GLIS3: variants seen among roughly 807,000 people sequenced by gnomAD.
GLIS3 encodes the protein GLIS family zinc finger 3.
A neutral mutation model predicts 78.6 loss-of-function variants in GLIS3; 53 were observed. The observed-to-expected ratio is 0.67, with a 90% CI of 0.54 to 0.85. GLIS3 has a LOEUF of 0.85. Among genes scored for constraint, GLIS3 ranks in the 40% least tolerant of loss-of-function variants. GLIS3 has a pLI of 0.00. For missense variants in GLIS3, 1,703 were observed against 1,231.1 expected, an observed-to-expected ratio of 1.38 and a Z score of -5.74; for synonymous variants, 684 against 509.9, an observed-to-expected ratio of 1.34 and a Z score of -4.60.
chr9:4,322,429 G>A (rs1472167538), intron 2 of GLIS3, among the ~76,000 whole-genome samples: 2 of 152,134 alleles, frequency 1.3e-5, no homozygotes, highest in East Asian at 1.9e-4. Flanking sequence ...TAATGGGATT[G>A]CTGGGTCAAA....
At chr9:4,089,357 C>G (rs528880627) in intron 4 of GLIS3, among the ~76,000 whole-genome samples, 1 of 151,430 alleles carries the variant, frequency 6.6e-6, no homozygotes, top group South Asian at 2.1e-4. Context: ...TTTTTTTTTC[C>G]TTTACAAACG....
chr9:4,135,774 C>T (rs1833361781), intron 2 of GLIS3, among the ~76,000 whole-genome samples: 1 of 152,094 alleles, frequency 6.6e-6, no homozygotes, highest in African/African-American at 2.4e-5. Context: ...AACAAGTACC[C>T]TTCTCTCCCA....
At chr9:4,244,853 G>C (rs1823651118) in intron 2 of GLIS3, among the ~76,000 whole-genome samples, 1 of 152,146 alleles carries the variant, frequency 6.6e-6, no homozygotes, top group Non-Finnish European at 1.5e-5. Flanking sequence ...TGAGATTACA[G>C]GTGTAAGCCA....
At chr9:4,271,542 T>C (rs996374098) in intron 2 of GLIS3, among the ~76,000 whole-genome samples, 1 of 152,150 alleles carries the variant, frequency 6.6e-6, no homozygotes, top group Admixed American at 6.5e-5. Flanking sequence ...GAAAAGATCA[T>C]GTTGCCTAGG....
chr9:4,330,527 A>C (rs893880057), intron 2 of GLIS3, among the ~76,000 whole-genome samples: 1 of 152,178 alleles, frequency 6.6e-6, no homozygotes, highest in Admixed American at 6.5e-5. Context: ...ACTTAGGTGG[A>C]GGGAGATGAA....
chr9:3,993,279 C>G (rs1359019847), intron 4 of GLIS3, among the ~76,000 whole-genome samples: 2 of 152,092 alleles, frequency 1.3e-5, no homozygotes, highest in African/African-American at 2.4e-5. Flanking sequence ...CCTGACAGTT[C>G]CGAGGGCAGT....
At chr9:4,171,958 G>C (rs756409036) in intron 2 of GLIS3, among the ~76,000 whole-genome samples, 2 of 152,160 alleles carry the variant, frequency 1.3e-5, no homozygotes, top group Admixed American at 6.6e-5. Context: ...TATTTCACTT[G>C]AGGTGATAAT....
intron 8 of GLIS3, among the ~76,000 whole-genome samples, chr9:3,864,615 C>G (rs1049310747): frequency 6.6e-6 from 1 of 152,088 alleles, no homozygotes; most frequent in South Asian, 2.1e-4. Context: ...AGAAACTGGC[C>G]GGGTGACGCT....
chr9:3,915,786 C>T (rs1824469861), intron 6 of GLIS3, among the ~76,000 whole-genome samples: 1 of 152,060 alleles, frequency 6.6e-6, no homozygotes, highest in Admixed American at 6.5e-5. Context: ...CAGATCTCTG[C>T]AAAGAGTCAT....
At chr9:3,973,040 G>A (rs536528594) in intron 4 of GLIS3, among the ~76,000 whole-genome samples, 3 of 152,152 alleles carry the variant, frequency 2.0e-5, no homozygotes, top group Non-Finnish European at 2.9e-5. Flanking sequence ...AATAATTCAT[G>A]AGAAGGACCC....
intron 4 of GLIS3, among the ~76,000 whole-genome samples, chr9:4,033,936 C>T (rs1824090158): frequency 6.9e-6 from 1 of 145,918 alleles, no homozygotes; most frequent in Non-Finnish European, 1.5e-5. Flanking sequence ...TCAGATTAAG[C>T]CATAAAGTTT....
intron 2 of GLIS3, among the ~76,000 whole-genome samples, chr9:4,243,212 A>G (rs939266520): frequency 2.0e-5 from 3 of 152,204 alleles, no homozygotes; most frequent in African/African-American, 7.2e-5. Flanking sequence ...GCAAGCTCAT[A>G]TGAGAGTCAG....
At chr9:4,028,434 A>C (rs1017877019) in intron 4 of GLIS3, among the ~76,000 whole-genome samples, 7 of 152,188 alleles carry the variant, frequency 4.6e-5, no homozygotes, top group African/African-American at 1.7e-4. Flanking sequence ...TATTAAAATC[A>C]AGAGCATATA....
the GLIS3 span, among the ~76,000 whole-genome samples, chr9:4,373,731 C>T: frequency 1.9e-4 from 28 of 150,922 alleles, no homozygotes; most frequent in African/African-American, 6.4e-4. Flanking sequence ...TGCAATGGCA[C>T]GATCTCGGCT....
At chr9:4,125,605 G>C in intron 3 of GLIS3, 129 bp downstream of exon 3, 2 of 760,840 alleles carry the variant, frequency 2.6e-6, no homozygotes, top group South Asian at 1.4e-5. Context: ...CTCAAATTGA[G>C]AGAGTTGCTT....
chr9:4,038,766 G>T (rs1588510193), intron 4 of GLIS3, among the ~76,000 whole-genome samples: 1 of 152,050 alleles, frequency 6.6e-6, no homozygotes, highest in Non-Finnish European at 1.5e-5. Flanking sequence ...CATCTGTACA[G>T]CTTCCTTAAT....
intron 2 of GLIS3, among the ~76,000 whole-genome samples, chr9:4,184,474 A>G (rs1373346307): frequency 1.3e-5 from 2 of 152,244 alleles, no homozygotes; most frequent in African/African-American, 2.4e-5. Flanking sequence ...AAATACTTGG[A>G]TAAGTCCCCT....
In GLIS3 at chr9:3,829,500, G is replaced by T. The variant is rs780719069; in HGVS notation, c.2474-8C>A. The T allele has an allele frequency of 6.2e-7, 1 of 1,613,766 alleles. No individual in the cohort carries two copies. Among genetic ancestry groups the T allele is most frequent in the African/African-American group, 1.3e-5 (1 of 74,890 alleles). ...GCAGCTGCCCATAAAATCCTGAAAC[G>T]CAAGCATGGCATTGAGCACAAGTTC... On this transcript the variant is annotated splice_region_variant and splice_polypyrimidine_tract_variant and intron_variant, in intron 9 of 10. Coordinates refer to ENST00000381971, the MANE Select transcript of GLIS3 (RefSeq NM_001042413.2).
At chr9:4,298,286 GT>G (rs1816773173) in intron 1 of GLIS3, 1 of 446,306 alleles carries the variant, frequency 2.2e-6, no homozygotes, top group Non-Finnish European at 4.5e-6. Context: ...TCACCCTGTG[GT>G]TTCCTTTCGC....
Sources: gnomAD v4.1 joint callset for allele counts (sites outside exome capture counted in the v4.1 genomes callset) on GRCh38, gnomAD v4.1.1 for gene constraint, MANE v1.5 for transcripts, NCBI Gene and HGNC (gene_info 2026-07-23, HGNC 2026-07-21) for gene names.